The following NUDT21 variants were observed in gnomAD, a reference collection of about 807,000 sequenced individuals.
NUDT21 encodes the protein nudix hydrolase 21.
Under a neutral mutation model 29.8 loss-of-function variants are expected in NUDT21, and 5 were observed. That is an observed-to-expected ratio of 0.17 (90% CI 0.09 to 0.35). NUDT21 has a LOEUF of 0.35. Among genes scored for constraint, NUDT21 ranks in the 10% least tolerant of loss-of-function variants. The pLI, the probability that NUDT21 is intolerant of heterozygous loss-of-function variation, is 1.00. For missense variants in NUDT21, 76 were observed against 276.0 expected (o/e 0.28, Z 5.13); for synonymous variants, 113 against 98.5 (o/e 1.15, Z -0.87).
chr16:56,436,755 T>C (rs1962108144), intron 4 of NUDT21, among the ~76,000 whole-genome samples: 1 of 152,198 alleles, frequency 6.6e-6, no homozygotes, highest in African/African-American at 2.4e-5. Context: ...CTGTACTTTA[T>C]ACAAAAAGAC....
At chr16:56,434,139 G>C (rs1287855574) in intron 6 of NUDT21, among the ~76,000 whole-genome samples, 192 bp downstream of exon 6, 1 of 152,240 alleles carries the variant, frequency 6.6e-6, no homozygotes, top group Non-Finnish European at 1.5e-5. Context: ...AGAATGTCAT[G>C]CCGAAACTTA....
intron 4 of NUDT21, among the ~76,000 whole-genome samples, chr16:56,435,775 A>T (rs1300173662): frequency 3.7e-5 from 4 of 106,932 alleles, no homozygotes; most frequent in African/African-American, 7.2e-5. Context: ...ATATATATAT[A>T]TATATATATG....
Position 56,449,445 on chromosome 16 carries a change from G to A in NUDT21, c.117-1456C>T, listed in dbSNP as rs548888818. 4.6e-5 allele frequency among the ~76,000 whole-genome samples: 7 copies of A among 152,324 alleles called. No homozygotes were observed. In the East Asian group the frequency reaches 7.7e-4, roughly 17 times the overall value. On this transcript the variant is annotated intron_variant, in intron 1 of 6. Transcript: ENST00000300291. ...ATTTCCTAAAATAAAATATACTGGGGGAGAGGGCATTTGTTTTCAACTTAA... is the reference window on the plus strand; with the variant it reads ...ATTTCCTAAAATAAAATATACTGGGAGAGAGGGCATTTGTTTTCAACTTAA...
intron 6 of NUDT21, among the ~76,000 whole-genome samples, chr16:56,433,521 C>A (rs1347774353): frequency 2.0e-5 from 3 of 152,116 alleles, no homozygotes; most frequent in Admixed American, 6.5e-5. Flanking sequence ...TCAACCAGTA[C>A]AAGTCAACTT....
intron 3 of NUDT21, among the ~76,000 whole-genome samples, chr16:56,444,156 T>C (rs1173695688): frequency 2.0e-5 from 3 of 152,122 alleles, no homozygotes; most frequent in African/African-American, 7.2e-5. Flanking sequence ...CATGGGCACA[T>C]ACCTGCAGTC....
At chr16:56,445,405 A>G (rs1363112033) in intron 3 of NUDT21, among the ~76,000 whole-genome samples, 1 of 152,234 alleles carries the variant, frequency 6.6e-6, no homozygotes, top group Non-Finnish European at 1.5e-5. Flanking sequence ...CCCCTCAAGC[A>G]TTTATCCTTT....
chr16:56,442,966 C>T (rs760916507), intron 3 of NUDT21, among the ~76,000 whole-genome samples: 1 of 151,950 alleles, frequency 6.6e-6, no homozygotes, highest in Non-Finnish European at 1.5e-5. Flanking sequence ...TGCAAAATCT[C>T]CTCTCATCTC....
At chr16:56,437,034 C>A (rs1478567116) in intron 4 of NUDT21, among the ~76,000 whole-genome samples, 1 of 152,194 alleles carries the variant, frequency 6.6e-6, no homozygotes, top group African/African-American at 2.4e-5. Flanking sequence ...TTTAGAATAA[C>A]TGTACTATGT....
At chr16:56,434,503 AT>A (rs1480772687) in intron 5 of NUDT21, 58 bp from the exon 6 acceptor site, 1 of 970,154 alleles carries the variant, frequency 1.0e-6, no homozygotes, top group Non-Finnish European at 1.6e-6. Flanking sequence ...CTTCCATTTC[AT>A]TTTTAAATTA....
At chr16:56,437,690 A>T (rs1255683581) in intron 4 of NUDT21, among the ~76,000 whole-genome samples, 2 of 152,126 alleles carry the variant, frequency 1.3e-5, no homozygotes, top group Admixed American at 6.5e-5. Flanking sequence ...GTGTAAAAAG[A>T]TCAATAACAT....
At position 56,429,480 on chromosome 16, in the gene NUDT21, GT is replaced by G. The variant is rs1428777088; in HGVS notation, c.*3231del. ...ACTGGCCTAATCTAGAGTTACCTAGGTTTTAGTAAGTTTTTTTCCACAAAAA... is the reference window on the plus strand; with the variant it reads ...ACTGGCCTAATCTAGAGTTACCTAGGTTTAGTAAGTTTTTTTCCACAAAAA... On this transcript the variant is annotated 3_prime_UTR_variant, in exon 7 of 7. Transcript: ENST00000300291. 7.2e-5 allele frequency: 11 copies of G among 152,074 alleles called. No individual in the cohort carries two copies. The highest frequency in any genetic ancestry group is 2.7e-4 in the African/African-American group (11 of 41,398). 9.4% of individuals were successfully genotyped at this position (152,074 alleles called of 1,614,324 possible).
chr16:56,451,279 CT>C lies in NUDT21; in HGVS notation c.-78del. The C allele has an allele frequency of 9.0e-7, 1 of 1,115,974 alleles. No individual in the cohort carries two copies. Among genetic ancestry groups the C allele is most frequent in the Non-Finnish European group, 1.3e-6 (1 of 770,018 alleles). The allele number at this position is 1,115,974 out of a possible 1,614,324, so 69.1% of individuals were successfully genotyped here. The stretch of plus-strand genomic sequence containing the variant: ...CTTTCCCCGTGCGGGAAGCGGTTAT[CT>C]GCAATCCCCTCAGCGGCTACTGCCC... On this transcript the variant is annotated 5_prime_UTR_variant, in exon 1 of 7. Coordinates refer to ENST00000300291, the MANE Select transcript of NUDT21 (RefSeq NM_007006.3).
At position 56,434,449 on chromosome 16, in the gene NUDT21, A is replaced by C. The variant is rs1962071427; in HGVS notation, c.548-4T>G. On this transcript the variant is annotated splice_polypyrimidine_tract_variant and splice_region_variant and intron_variant, in intron 5 of 6. Coordinates refer to ENST00000300291, the MANE Select transcript of NUDT21 (RefSeq NM_007006.3). ...TTTTTAGGGACTGCAAACAAGGCTA[A>C]AATAAAACAGAATTCATTATTATAA... The C allele has an allele frequency of 1.3e-6, 2 of 1,528,330 alleles. No homozygotes were observed. Among genetic ancestry groups the C allele is most frequent in the East Asian group, 2.3e-5 (1 of 44,352 alleles). 94.7% of individuals were successfully genotyped at this position (1,528,330 alleles called of 1,614,324 possible). A position where few individuals can be genotyped will look rare whatever the true frequency, so the allele number is the denominator to read the frequency against.
At chr16:56,446,432 G>GT in intron 3 of NUDT21, 194 bp downstream of exon 3, 1 of 508,566 alleles carries the variant, frequency 2.0e-6, no homozygotes, top group Non-Finnish European at 3.5e-6. Flanking sequence ...CTGTGACACA[G>GT]TTTAACATTT....
intron 4 of NUDT21, among the ~76,000 whole-genome samples, chr16:56,436,113 A>G (rs1962101583): frequency 6.6e-6 from 1 of 150,382 alleles, no homozygotes; most frequent in Admixed American, 6.6e-5. Flanking sequence ...GACACAGAAC[A>G]AAAAAAAAGT....
rs2143927370 is a variant in NUDT21, at chr16:56,429,225, T to C, written c.*3487A>G. ...AACTTACTTTACAAATATAAAAATA[T>C]AACCAAAACTTGTTTCTTTTATACA... On this transcript the variant is annotated 3_prime_UTR_variant, in exon 7 of 7. Transcript: ENST00000300291. The C allele has an allele frequency of 6.6e-6, 1 of 152,282 alleles. No homozygotes were observed. The highest frequency in any genetic ancestry group is 1.9e-4 in the East Asian group (1 of 5,190). 9.4% of individuals were successfully genotyped at this position (152,282 alleles called of 1,614,324 possible).
Position 56,439,406 on chromosome 16 carries a change from C to T in NUDT21, c.471+251G>A, listed in dbSNP as rs1324793298. ...CAGGCTGGTCTCAAACTCCTGACCT[C>T]AACAGGTGATCCACCCGCCTCGGCC... is the stretch of plus-strand genomic sequence containing the variant. On this transcript the variant is annotated intron_variant, in intron 4 of 6. Coordinates refer to ENST00000300291, the MANE Select transcript of NUDT21 (RefSeq NM_007006.3). The T allele has an allele frequency of 2.0e-5, 8 of 402,406 alleles. No homozygotes were observed. In the East Asian group the frequency reaches 3.3e-4, roughly 17 times the overall value. 24.9% of individuals were successfully genotyped at this position (402,406 alleles called of 1,614,324 possible).
intron 3 of NUDT21, among the ~76,000 whole-genome samples, chr16:56,444,613 AC>A (rs1283910926): frequency 3.4e-5 from 5 of 148,984 alleles, no homozygotes; most frequent in African/African-American, 9.9e-5. Context: ...AAAAAAAAAA[AC>A]AAAAACAAAA....
rs776884434 is a variant in NUDT21, at chr16:56,446,616, A to T, written c.381+10T>A. ...TTGATGGTATTCAAAGTGGTTAAAC[A>T]GAAAAATACCTCTGTCATTAAGCGT... On this transcript the variant is annotated intron_variant, in intron 3 of 6. Coordinates refer to ENST00000300291, the MANE Select transcript of NUDT21 (RefSeq NM_007006.3). The T allele has an allele frequency of 5.2e-5, 81 of 1,572,720 alleles. No individual in the cohort carries two copies. The highest frequency in any genetic ancestry group is 6.8e-5 in the Non-Finnish European group (78 of 1,147,556).
Sources: gnomAD v4.1 joint callset for allele counts (sites outside exome capture counted in the v4.1 genomes callset) on GRCh38, gnomAD v4.1.1 for gene constraint, MANE v1.5 for transcripts, NCBI Gene and HGNC (gene_info 2026-07-23, HGNC 2026-07-21) for gene names.